The following SNTG1 variants were observed in gnomAD, a reference collection of about 807,000 sequenced individuals.
SNTG1 encodes gamma-1-syntrophin.
SNTG1 carries 39 observed loss-of-function variants against 74.7 expected under a neutral mutation model. That is an observed-to-expected ratio of 0.52 (90% CI 0.40 to 0.68). The LOEUF (loss-of-function observed/expected upper bound fraction) is 0.68, where lower values mean the gene tolerates loss of function less well. Among genes scored for constraint, SNTG1 ranks in the 30% least tolerant of loss-of-function variants. The probability of loss-of-function intolerance (pLI) is 0.00; values close to 1 mark genes in which losing one functional copy is unlikely to be tolerated. For synonymous variants in SNTG1, 254 were observed against 217.1 expected (o/e 1.17, Z -1.49); for missense variants, 685 against 609.5 (o/e 1.12, Z -1.30).
intron 2 of SNTG1, among the ~76,000 whole-genome samples, chr8:50,238,273 G>C (rs967872407): frequency 3.3e-5 from 5 of 152,048 alleles, no homozygotes; most frequent in African/African-American, 9.7e-5. Flanking sequence ...AAAATAACAT[G>C]GTACTGATAC....
intron 9 of SNTG1, among the ~76,000 whole-genome samples, chr8:50,506,426 G>A (rs2094007138): frequency 6.6e-6 from 1 of 152,032 alleles, no homozygotes; most frequent in Non-Finnish European, 1.5e-5. Flanking sequence ...CCTGTAGATT[G>A]CATTGCTTAG....
chr8:50,549,182 G>A (rs1235739996), intron 11 of SNTG1, among the ~76,000 whole-genome samples: 1 of 152,128 alleles, frequency 6.6e-6, no homozygotes, highest in African/African-American at 2.4e-5. Context: ...AGCTCCTGAT[G>A]TATCTAAACA....
chr8:50,143,572 A>C (rs186367610), intron 1 of SNTG1, among the ~76,000 whole-genome samples: 5 of 152,334 alleles, frequency 3.3e-5, no homozygotes, highest in Non-Finnish European at 7.3e-5. Flanking sequence ...AAACTGTGCC[A>C]GATAGTCTCG....
chr8:50,663,988 G>A (rs2095238411), intron 15 of SNTG1, among the ~76,000 whole-genome samples: 1 of 152,050 alleles, frequency 6.6e-6, no homozygotes. Flanking sequence ...CATATGTTCT[G>A]CCCAGATCTT....
At chr8:50,426,606 A>G (rs1176024331) in intron 4 of SNTG1, among the ~76,000 whole-genome samples, 1 of 151,948 alleles carries the variant, frequency 6.6e-6, no homozygotes, top group Non-Finnish European at 1.5e-5. Flanking sequence ...TTATAAGTAA[A>G]AAATGTTACA....
At chr8:50,182,892 C>T (rs2083256582) in intron 2 of SNTG1, among the ~76,000 whole-genome samples, 1 of 152,082 alleles carries the variant, frequency 6.6e-6, no homozygotes, top group African/African-American at 2.4e-5. Context: ...ATTAATTGTC[C>T]ATGAGGCAAA....
chr8:50,542,083 A>G (rs1428288293), intron 11 of SNTG1, among the ~76,000 whole-genome samples: 2 of 66,240 alleles, frequency 3.0e-5, no homozygotes, highest in Non-Finnish European at 4.9e-5. Flanking sequence ...GTATATATAC[A>G]TATATATGAA....
chr8:50,344,158 T>C (rs968376730), intron 2 of SNTG1, among the ~76,000 whole-genome samples: 1 of 152,196 alleles, frequency 6.6e-6, no homozygotes, highest in African/African-American at 2.4e-5. Context: ...AGTCAATTCA[T>C]TTTTTTCTCT....
chr8:49,926,324 T>C (rs954508878), intron 1 of SNTG1, among the ~76,000 whole-genome samples: 2 of 152,118 alleles, frequency 1.3e-5, no homozygotes, highest in African/African-American at 4.8e-5. Flanking sequence ...TGTACAAGTA[T>C]AATTTTTTTA....
At position 50,532,426 on chromosome 8, in the gene SNTG1, C is replaced by T. The variant is rs1178050998; in HGVS notation, c.549+2167C>T. ...TCTATAGACAAAAGCATACAATTAA[C>T]TATAACATAAGCAGAAAAAGAGAAG... On this transcript the variant is annotated intron_variant, in intron 10 of 18. Transcript: ENST00000642720. 2.0e-5 allele frequency among the ~76,000 whole-genome samples: 3 copies of T among 152,106 alleles called. No homozygotes were observed. The East Asian group carries it at 5.8e-4, about 29-fold the overall frequency.
intron 10 of SNTG1, among the ~76,000 whole-genome samples, chr8:50,534,716 G>A (rs2094295182): frequency 6.6e-6 from 1 of 152,036 alleles, no homozygotes; most frequent in South Asian, 2.1e-4. Flanking sequence ...AGGGGCGGAG[G>A]TTTCAGTGAG....
chr8:50,374,951 G>A (rs900695036), intron 2 of SNTG1, among the ~76,000 whole-genome samples: 2 of 152,102 alleles, frequency 1.3e-5, no homozygotes, highest in African/African-American at 4.8e-5. Flanking sequence ...CAGGCACTGG[G>A]AAGTAAAATT....
intron 1 of SNTG1, among the ~76,000 whole-genome samples, chr8:50,169,072 G>A (rs35318953): frequency 0.28 from 41,912 of 151,988 alleles, 5,892 homozygotes; most frequent in Middle Eastern, 0.41. Context: ...ATATAGATGA[G>A]GAGTATTTTA....
At chr8:50,539,158 A>AT (rs1563543944) in intron 11 of SNTG1, among the ~76,000 whole-genome samples, 1 of 152,024 alleles carries the variant, frequency 6.6e-6, no homozygotes, top group African/African-American at 2.4e-5. Context: ...CATTCATTTC[A>AT]TTGTTAGTAT....
At chr8:50,337,168 C>A (rs1016516333) in intron 2 of SNTG1, among the ~76,000 whole-genome samples, 3 of 152,168 alleles carry the variant, frequency 2.0e-5, no homozygotes, top group Admixed American at 6.5e-5. Context: ...GCATCAAGAA[C>A]AAGTGAACAA....
rs990614543 is a variant in SNTG1 at position 50,795,068 on chromosome 8, A to G, written c.*2239A>G. The G allele has an allele frequency of 6.6e-6, 1 of 151,906 alleles. No individual in the cohort carries two copies. The highest frequency in any genetic ancestry group is 6.6e-5 in the Admixed American group (1 of 15,202). The allele number at this position is 151,906 out of a possible 1,614,324, so 9.4% of individuals were successfully genotyped here. ...TATTTATATGCATACATGGGTGTAT[A>G]TATATATAAATATAATGAAATGCTG... On this transcript the variant is annotated 3_prime_UTR_variant, in exon 19 of 19. Transcript: ENST00000642720.
Position 50,392,271 on chromosome 8 carries a change from A to G in SNTG1, c.-27-1941A>G, listed in dbSNP as rs2092672674. Among the ~76,000 whole-genome samples the G allele has an allele frequency of 1.3e-5, 2 of 152,236 alleles. 1 individual carries two copies. Among genetic ancestry groups the G allele is most frequent in the South Asian group, 4.1e-4 (2 of 4,836 alleles). The stretch of plus-strand genomic sequence containing the variant: ...ATTGGATTGGCTTTGATTGTGATTT[A>G]TGAATCATGGCAGCATCTCCTTTAA... On this transcript the variant is annotated intron_variant, in intron 2 of 18. Coordinates refer to ENST00000642720, the MANE Select transcript of SNTG1 (RefSeq NM_018967.5).
chr8:50,293,259 G>C (rs964421822), intron 2 of SNTG1, among the ~76,000 whole-genome samples: 1 of 152,028 alleles, frequency 6.6e-6, no homozygotes, highest in Non-Finnish European at 1.5e-5. Flanking sequence ...GGCAGGGTTG[G>C]TTCCTCCTGA....
At chr8:50,476,491 G>A (rs1189770935) in intron 8 of SNTG1, among the ~76,000 whole-genome samples, 4 of 152,164 alleles carry the variant, frequency 2.6e-5, no homozygotes, top group Admixed American at 6.6e-5. Context: ...CTGGATGGCA[G>A]AGCTAAGTTT....
Sources: allele counts gnomAD v4.1 joint callset (sites outside exome capture counted in the v4.1 genomes callset), GRCh38; gene constraint gnomAD v4.1.1; transcripts MANE v1.5; gene names NCBI Gene and HGNC (gene_info 2026-07-23, HGNC 2026-07-21).